The following PMS1 variants were observed in gnomAD, a reference collection of about 807,000 sequenced individuals.
PMS1 encodes PMS1 protein homolog 1.
PMS1 carries 79 observed loss-of-function variants against 93.1 expected under a neutral mutation model. The observed-to-expected ratio is 0.85, with a 90% CI of 0.71 to 1.02. PMS1 has a LOEUF of 1.02. PMS1 is among the 50% of genes least tolerant of loss of function. The pLI is 0.00. For synonymous variants in PMS1, 335 were observed against 363.4 expected (o/e 0.92, Z 0.89); for missense variants, 1,064 against 1,085.3 (o/e 0.98, Z 0.28).
chr2:189,834,770 C>T (rs1253530285), intron 5 of PMS1, among the ~76,000 whole-genome samples: 1 of 152,152 alleles, frequency 6.6e-6, no homozygotes, highest in East Asian at 1.9e-4. Context: ...CACTCTGTTG[C>T]CCAGGCTTGA....
At chr2:189,796,931 A>C (rs772440163) in intron 3 of PMS1, among the ~76,000 whole-genome samples, 24 of 152,166 alleles carry the variant, frequency 1.6e-4, no homozygotes, top group Admixed American at 7.2e-4. Context: ...TTCTGTGTCT[A>C]ATTTTTTGAG....
chr2:189,853,757 T>TC (rs1379835342), intron 7 of PMS1, among the ~76,000 whole-genome samples, 182 bp from the exon 8 acceptor site: 7 of 151,984 alleles, frequency 4.6e-5, no homozygotes, highest in Non-Finnish European at 8.8e-5. Flanking sequence ...CCTCAAGTGA[T>TC]CCCCCCACCT....
At chr2:189,810,895 TGAG>T (rs554629103) in intron 4 of PMS1, among the ~76,000 whole-genome samples, 15 of 151,220 alleles carry the variant, frequency 9.9e-5, no homozygotes, top group Non-Finnish European at 1.3e-4. Flanking sequence ...TTGAGAGACT[TGAG>T]GAGAGGAAAA....
intron 10 of PMS1, among the ~76,000 whole-genome samples, chr2:189,864,783 C>G (rs256565): frequency 0.072 from 8,821 of 123,260 alleles, 466 homozygotes; most frequent in African/African-American, 0.16. Context: ...TCAGAATACT[C>G]TAGATAGTTC....
rs199880018 is a variant in PMS1, at chr2:189,876,113, TA to T, written c.2635-1150del. Among the ~76,000 whole-genome samples, 528 of 151,664 alleles carry T rather than the reference TA, an allele frequency of 3.5e-3. 2 individuals carry two copies. The highest frequency in any genetic ancestry group is 0.012 in the African/African-American group (489 of 41,362). ...GAAAATAATATTTTTACGTAAACTTTAAAAAAAAATTTCTTAATCATTAGAA... is the reference window on the plus strand; with the variant it reads ...GAAAATAATATTTTTACGTAAACTTTAAAAAAAATTTCTTAATCATTAGAA... On this transcript the variant is annotated intron_variant, in intron 12 of 12. Coordinates refer to ENST00000441310, the MANE Select transcript of PMS1 (RefSeq NM_000534.5).
At chr2:189,818,401 CCTT>C (rs2051513138) in intron 5 of PMS1, among the ~76,000 whole-genome samples, 1 of 152,160 alleles carries the variant, frequency 6.6e-6, no homozygotes, top group Non-Finnish European at 1.5e-5. Context: ...GGGCTGCCTT[CCTT>C]CTTCTGCCAT....
At chr2:189,792,373 T>C (rs1237725224) in intron 2 of PMS1, among the ~76,000 whole-genome samples, 2 of 152,150 alleles carry the variant, frequency 1.3e-5, no homozygotes, top group African/African-American at 4.8e-5. Flanking sequence ...CTCATTATGA[T>C]TTATTGCAAT....
intron 1 of PMS1, among the ~76,000 whole-genome samples, chr2:189,786,408 G>C (rs1021161538): frequency 6.6e-6 from 1 of 152,200 alleles, no homozygotes. Context: ...GCAGTACAAA[G>C]AGGAGAGGAC....
intron 5 of PMS1, among the ~76,000 whole-genome samples, chr2:189,819,344 CAT>C (rs2051615731): frequency 6.6e-6 from 1 of 152,176 alleles, no homozygotes; most frequent in Non-Finnish European, 1.5e-5. Flanking sequence ...CTGTGATAAA[CAT>C]ATGAGCACAG....
chr2:189,824,407 T>C (rs2052241755), intron 5 of PMS1, among the ~76,000 whole-genome samples: 1 of 152,064 alleles, frequency 6.6e-6, no homozygotes, highest in Non-Finnish European at 1.5e-5. Flanking sequence ...TTTTAATTAT[T>C]TTTTAAAGTT....
intron 9 of PMS1, among the ~76,000 whole-genome samples, chr2:189,857,947 C>G (rs1054722670): frequency 2.0e-5 from 3 of 151,914 alleles, no homozygotes; most frequent in Non-Finnish European, 2.9e-5. Context: ...CTAGAAGGAA[C>G]ATGGTGTTAT....
chr2:189,800,448 T>C (rs2049789730), intron 3 of PMS1, among the ~76,000 whole-genome samples: 1 of 152,160 alleles, frequency 6.6e-6, no homozygotes, highest in Admixed American at 6.5e-5. Flanking sequence ...AAACAGGAAG[T>C]AATGTATGTT....
intron 5 of PMS1, among the ~76,000 whole-genome samples, chr2:189,825,263 C>T (rs1298008633): frequency 3.3e-5 from 5 of 151,988 alleles, no homozygotes; most frequent in African/African-American, 1.2e-4. Flanking sequence ...ATGACACAGC[C>T]AAAGGGAAAT....
At chr2:189,818,969 G>A (rs759847075) in intron 5 of PMS1, among the ~76,000 whole-genome samples, 13 of 152,172 alleles carry the variant, frequency 8.5e-5, no homozygotes, top group Non-Finnish European at 1.5e-4. Context: ...GTGTAGTGGC[G>A]AAGTCAGAGC....
At chr2:189,861,623 C>T (rs922121111) in intron 9 of PMS1, among the ~76,000 whole-genome samples, 4 of 151,822 alleles carry the variant, frequency 2.6e-5, no homozygotes, top group African/African-American at 9.7e-5. Flanking sequence ...GTGGTGCACC[C>T]CTCTAATCCC....
chr2:189,821,427 A>G lies in PMS1; in HGVS notation c.582+3247A>G, dbSNP rs547260276. 2.7e-5 allele frequency among the ~76,000 whole-genome samples: 4 copies of G among 150,850 alleles called. No individual in the cohort carries two copies. The East Asian group carries it at 5.9e-4, about 22-fold the overall frequency. On this transcript the variant is annotated intron_variant, in intron 5 of 12. Coordinates refer to ENST00000441310, the MANE Select transcript of PMS1 (RefSeq NM_000534.5). ...AGCCGAGATTGCGCCACTGCACTCC[A>G]GCCTGGGCTACAGAGGGAGACTCCG...
chr2:189,829,927 GCTTA>G (rs1158537367), intron 5 of PMS1, among the ~76,000 whole-genome samples: 8 of 152,226 alleles, frequency 5.3e-5, no homozygotes, highest in African/African-American at 1.7e-4. Flanking sequence ...GACTCTCCCT[GCTTA>G]CTTCTTATCC....
chr2:189,797,802 T>C (rs1476808508), intron 3 of PMS1, among the ~76,000 whole-genome samples: 1 of 152,154 alleles, frequency 6.6e-6, no homozygotes, highest in Non-Finnish European at 1.5e-5. Context: ...CTAGGTTCAT[T>C]GTGGTCTTCC....
intron 9 of PMS1, among the ~76,000 whole-genome samples, chr2:189,856,192 G>A (rs1182794557): frequency 7.3e-6 from 1 of 137,160 alleles, no homozygotes; most frequent in Non-Finnish European, 1.6e-5. Context: ...ATTATATTTT[G>A]TTCTTTTGGA....
Sources: allele counts gnomAD v4.1 joint callset (sites outside exome capture counted in the v4.1 genomes callset), GRCh38; gene constraint gnomAD v4.1.1; transcripts MANE v1.5; gene names NCBI Gene and HGNC (gene_info 2026-07-23, HGNC 2026-07-21).